Variants in SMAD9 observed in about 807,000 individuals in gnomAD.
The protein encoded by SMAD9 is MAD homolog 9.
A neutral mutation model predicts 46.1 loss-of-function variants in SMAD9; 36 were observed. The ratio of observed to expected loss-of-function variants is 0.78; its 90% CI spans 0.60 to 1.03. The LOEUF (loss-of-function observed/expected upper bound fraction) is 1.03. Ranked by LOEUF, SMAD9 falls within the 50% of genes least tolerant of loss-of-function variation. The pLI is 0.00. For synonymous variants in SMAD9, 245 were observed against 237.1 expected, an observed-to-expected ratio of 1.03 and a Z score of -0.31; for missense variants, 572 against 599.8, an observed-to-expected ratio of 0.95 and a Z score of 0.48.
chr13:36,872,994 T>C lies in SMAD9; in HGVS notation c.413-79A>G, dbSNP rs950532746. On this transcript the variant is annotated intron_variant, in intron 2 of 6. Transcript: ENST00000379826. ...CAACAGAGTGGATACTTGCTGTTCTTATCTATTTTTTGTTTATGATAGAGC... is the reference window on the plus strand; with the variant it reads ...CAACAGAGTGGATACTTGCTGTTCTCATCTATTTTTTGTTTATGATAGAGC... 4 of 1,523,056 alleles carry C rather than the reference T, an allele frequency of 2.6e-6. No homozygotes were observed. In the African/African-American group the frequency reaches 5.5e-5, roughly 21 times the overall value. The allele number at this position is 1,523,056 out of a possible 1,614,324, so 94.3% of individuals were successfully genotyped here.
chr13:36,909,517 A>G (rs1043759718), intron 1 of SMAD9, among the ~76,000 whole-genome samples: 2 of 152,242 alleles, frequency 1.3e-5, no homozygotes, highest in African/African-American at 4.8e-5. Context: ...ACATATAGTC[A>G]GCATATTCTT....
At chr13:36,870,817 T>A (rs1218328714) in intron 3 of SMAD9, among the ~76,000 whole-genome samples, 1 of 152,152 alleles carries the variant, frequency 6.6e-6, no homozygotes, top group East Asian at 1.9e-4. Context: ...TATGCCAGCA[T>A]CACTACTCTT....
chr13:36,911,627 G>C (rs1368329728), intron 1 of SMAD9, among the ~76,000 whole-genome samples: 35 of 131,736 alleles, frequency 2.7e-4, no homozygotes, highest in Non-Finnish European at 5.1e-4. Flanking sequence ...GGGGGGGGGG[G>C]GGCGGGTGGA....
At chr13:36,898,979 T>C (rs1414393754) in intron 1 of SMAD9, among the ~76,000 whole-genome samples, 1 of 152,130 alleles carries the variant, frequency 6.6e-6, no homozygotes, top group Non-Finnish European at 1.5e-5. Context: ...AAATTTTCTG[T>C]ATTCACAGGC....
chr13:36,883,062 GCCTC>G (rs2058417229), intron 1 of SMAD9, among the ~76,000 whole-genome samples: 1 of 152,112 alleles, frequency 6.6e-6, no homozygotes, highest in Non-Finnish European at 1.5e-5. Context: ...AGAACAAAGG[GCCTC>G]CCTGTTTGTC....
rs2058050676 is a variant in SMAD9 at position 36,848,608 on chromosome 13, C to G, written c.*68G>C. The stretch of plus-strand genomic sequence containing the variant: ...GTTTTTAGAAACTTCAGTTGCAAAT[C>G]TGAAATGATACAAGCCACTCCCTGC... On this transcript the variant is annotated 3_prime_UTR_variant, in exon 7 of 7. Transcript: ENST00000379826. 1 of 1,461,484 alleles carries G rather than the reference C, an allele frequency of 6.8e-7. No individual in the cohort carries two copies. The allele number at this position is 1,461,484 out of a possible 1,614,324, so 90.5% of individuals were successfully genotyped here. A position where few individuals can be genotyped will look rare whatever the true frequency, so the allele number is the denominator to read the frequency against.
At chr13:36,856,574 G>A (rs2058127389) in intron 5 of SMAD9, among the ~76,000 whole-genome samples, 1 of 152,170 alleles carries the variant, frequency 6.6e-6, no homozygotes, top group African/African-American at 2.4e-5. Context: ...GCCAGATTCT[G>A]GCTAGAGACA....
intron 1 of SMAD9, among the ~76,000 whole-genome samples, chr13:36,912,862 G>A (rs2058671909): frequency 6.6e-6 from 1 of 152,028 alleles, no homozygotes; most frequent in Admixed American, 6.6e-5. Flanking sequence ...CAGAAAATAC[G>A]GAAGTCTAAT....
intron 5 of SMAD9, among the ~76,000 whole-genome samples, chr13:36,860,513 C>T (rs1041855755): frequency 2.7e-5 from 4 of 150,410 alleles, no homozygotes; most frequent in African/African-American, 9.8e-5. Flanking sequence ...GCAGTGGCAC[C>T]AACTCGGCTC....
intron 2 of SMAD9, among the ~76,000 whole-genome samples, chr13:36,875,847 C>G (rs903793462): frequency 1.3e-5 from 2 of 151,956 alleles, no homozygotes; most frequent in Non-Finnish European, 2.9e-5. Context: ...TCTGAGGCAC[C>G]AAGAGAAAAG....
intron 1 of SMAD9, among the ~76,000 whole-genome samples, chr13:36,881,048 T>C (rs899043871): frequency 1.3e-5 from 2 of 152,174 alleles, no homozygotes; most frequent in African/African-American, 4.8e-5. Context: ...CACACACCAA[T>C]ACATACACAA....
chr13:36,874,855 A>C (rs1260601558), intron 2 of SMAD9, among the ~76,000 whole-genome samples: 1 of 25,346 alleles, frequency 3.9e-5, no homozygotes, highest in East Asian at 1.1e-3. Context: ...ACTCCGTCCC[A>C]AAAAAAAAAA....
chr13:36,857,796 C>G lies in SMAD9; in HGVS notation c.1004-4121G>C, dbSNP rs140495053. ...ACCATAAAAGGCAGAGTGTCCTGCA[C>G]AGAAGATGCAGAAGCCTCTCCACTC... On this transcript the variant is annotated intron_variant, in intron 5 of 6. Coordinates refer to ENST00000379826, the MANE Select transcript of SMAD9 (RefSeq NM_001127217.3). 5.9e-3 allele frequency among the ~76,000 whole-genome samples: 892 copies of G among 152,250 alleles called. 6 individuals carry two copies. Among genetic ancestry groups the G allele is most frequent in the African/African-American group, 0.02 (814 of 41,554 alleles).
chr13:36,916,198 G>T (rs2058697433), intron 1 of SMAD9, among the ~76,000 whole-genome samples: 1 of 152,166 alleles, frequency 6.6e-6, no homozygotes, highest in Non-Finnish European at 1.5e-5. Flanking sequence ...ATGCGGCTAT[G>T]GTGGGGGGAG....
intron 5 of SMAD9, among the ~76,000 whole-genome samples, chr13:36,855,172 T>C (rs1408202417): frequency 1.3e-5 from 2 of 149,310 alleles, no homozygotes; most frequent in Non-Finnish European, 3.0e-5. Flanking sequence ...TCCCAGCTAC[T>C]TGGGAGGCGG....
chr13:36,853,267 A>AG, intron 6 of SMAD9, 152 bp downstream of exon 6: 1 of 750,492 alleles, frequency 1.3e-6, no homozygotes, highest in South Asian at 1.7e-5. Flanking sequence ...CCTGTGTGAC[A>AG]GAGTGAAACT....
intron 1 of SMAD9, among the ~76,000 whole-genome samples, chr13:36,902,257 C>G (rs567648453): frequency 6.6e-6 from 1 of 152,144 alleles, no homozygotes; most frequent in Non-Finnish European, 1.5e-5. Flanking sequence ...GAATAAAGAA[C>G]TGGACTGTTT....
intron 1 of SMAD9, among the ~76,000 whole-genome samples, chr13:36,883,131 C>T (rs918359193): frequency 2.0e-5 from 3 of 152,154 alleles, no homozygotes; most frequent in African/African-American, 7.2e-5. Flanking sequence ...GTTGTGTCAA[C>T]CTGGCTCCGA....
Position 36,906,817 on chromosome 13 carries a change from A to C in SMAD9, c.-187+13299T>G, listed in dbSNP as rs546249624. Among the ~76,000 whole-genome samples, 4 of 152,374 alleles carry C rather than the reference A, an allele frequency of 2.6e-5. No individual in the cohort carries two copies. In the East Asian group the frequency reaches 7.7e-4, roughly 29 times the overall value. Reference sequence around the variant, plus strand: ...ATTTGCACATTGTTGATGAGAATGTAAAATGGCTTAGCAGGTGTGGGAGAG... The same window carrying C: ...ATTTGCACATTGTTGATGAGAATGTCAAATGGCTTAGCAGGTGTGGGAGAG... On this transcript the variant is annotated intron_variant, in intron 1 of 6. Transcript: ENST00000379826.
Sources: gnomAD v4.1 joint callset for allele counts (sites outside exome capture counted in the v4.1 genomes callset) on GRCh38, gnomAD v4.1.1 for gene constraint, MANE v1.5 for transcripts, NCBI Gene and HGNC (gene_info 2026-07-23, HGNC 2026-07-21) for gene names.